The following MTUS2 variants were observed in gnomAD, a reference collection of about 807,000 sequenced individuals.
MTUS2 encodes the protein microtubule associated scaffold protein 2.
MTUS2 carries 40 observed loss-of-function variants against 114.1 expected under a neutral mutation model. The observed-to-expected ratio is 0.35, with a 90% CI of 0.27 to 0.46. MTUS2 has a LOEUF of 0.46. MTUS2 is among the 20% of genes least tolerant of loss of function. MTUS2 has a pLI of 1.00. For missense variants in MTUS2, 1,679 were observed against 1,705.4 expected (o/e 0.98, Z 0.27); for synonymous variants, 688 against 672.0 (o/e 1.02, Z -0.37).
chr13:29,481,343 G>A (rs946040891), intron 10 of MTUS2, among the ~76,000 whole-genome samples: 9 of 152,202 alleles, frequency 5.9e-5, no homozygotes, highest in Admixed American at 1.3e-4. Context: ...AGAGGCAGGC[G>A]GACGATTCAG....
At position 28,896,747 on chromosome 13, in the gene MTUS2, G is replaced by T. The variant is rs1361716389; in HGVS notation, c.-243+56897G>T. ...GAACACAGCCCTCAGAAATAATGCT[G>T]CATATCTACAACCATCTGATCTTTG... On this transcript the variant is annotated intron_variant, in intron 2 of 15. Transcript: ENST00000612955. Among the ~76,000 whole-genome samples, 3 of 152,106 alleles carry T rather than the reference G, an allele frequency of 2.0e-5. No homozygotes were observed. The East Asian group carries it at 5.8e-4, about 29-fold the overall frequency.
chr13:29,131,935 G>A (rs977220529), intron 5 of MTUS2, among the ~76,000 whole-genome samples: 15 of 152,228 alleles, frequency 9.9e-5, no homozygotes, highest in African/African-American at 3.6e-4. Context: ...ATTTAGTGCT[G>A]ATTTCCCATT....
rs971700401 is a variant in MTUS2 at position 29,075,215 on chromosome 13, C to T, written c.2447-25558C>T. On this transcript the variant is annotated intron_variant, in intron 4 of 15. Coordinates refer to ENST00000612955, the MANE Select transcript of MTUS2 (RefSeq NM_001033602.4). ...TTCCTGTGTTAATCTACTCAGGCTG[C>T]CCCCTCCCATTTGTAAAAGAGACAC... Among the ~76,000 whole-genome samples, 25 of 152,310 alleles carry T rather than the reference C, an allele frequency of 1.6e-4. 1 individual carries two copies. The highest frequency in any genetic ancestry group is 1.6e-3 in the Admixed American group (24 of 15,296).
At chr13:28,994,590 A>C (rs966576159) in intron 2 of MTUS2, among the ~76,000 whole-genome samples, 3 of 152,162 alleles carry the variant, frequency 2.0e-5, no homozygotes, top group Non-Finnish European at 2.9e-5. Context: ...AGTGATCGCT[A>C]TTCTAAATGG....
At chr13:29,254,286 G>T (rs779416871) in intron 5 of MTUS2, among the ~76,000 whole-genome samples, 2 of 152,222 alleles carry the variant, frequency 1.3e-5, no homozygotes, top group African/African-American at 2.4e-5. Flanking sequence ...TTAATGAGAT[G>T]TATGATTGAG....
chr13:29,137,646 T>C lies in MTUS2; in HGVS notation c.2644+36676T>C, dbSNP rs138493867. Among the ~76,000 whole-genome samples, 14 of 152,088 alleles carry C rather than the reference T, an allele frequency of 9.2e-5. No individual in the cohort carries two copies. In the East Asian group the frequency reaches 2.7e-3, roughly 29 times the overall value. On this transcript the variant is annotated intron_variant, in intron 5 of 15. Coordinates refer to ENST00000612955, the MANE Select transcript of MTUS2 (RefSeq NM_001033602.4). ...TTTCTTCTTTTTTTTGAGACAAGTC[T>C]CACCCTGTCGCCCAGGCTGGAGTAC...
intron 4 of MTUS2, among the ~76,000 whole-genome samples, chr13:29,086,964 A>C (rs2479791): frequency 0.67 from 102,021 of 151,996 alleles, 34,929 homozygotes; most frequent in Non-Finnish European, 0.74. Context: ...TATTCTGAAA[A>C]TTTACTGAGG....
chr13:29,153,907 C>T (rs1593534557), intron 5 of MTUS2, among the ~76,000 whole-genome samples: 1 of 152,110 alleles, frequency 6.6e-6, no homozygotes, highest in East Asian at 1.9e-4. Flanking sequence ...TTATATGTAC[C>T]TCTGTACTCC....
At chr13:29,217,569 G>A (rs775308927) in intron 5 of MTUS2, among the ~76,000 whole-genome samples, 27 of 152,080 alleles carry the variant, frequency 1.8e-4, no homozygotes, top group Admixed American at 7.2e-4. Context: ...TTTTTTTGTC[G>A]TGGTGGTTCT....
chr13:29,071,409 A>ATTTTTTTTTTTTTTTTTTTTTTTTTTTT lies in MTUS2; in HGVS notation c.2447-29357_2447-29330dup, dbSNP rs751020009. 3.7e-4 allele frequency among the ~76,000 whole-genome samples: 17 copies of ATTTTTTTTTTTTTTTTTTTTTTTTTTTT among 46,140 alleles called. 3 individuals carry two copies. The highest frequency in any genetic ancestry group is 6.5e-4 in the African/African-American group (6 of 9,166). 30.3% of individuals were successfully genotyped at this position (46,140 alleles called of 152,430 possible). A position where few individuals can be genotyped will look rare whatever the true frequency, so the allele number is the denominator to read the frequency against. ...TTTAAAAGATCTCTATGTTGCTTGA[A>ATTTTTTTTTTTTTTTTTTTTTTTTTTTT]TTTTTTTTTTTTTTTTTTTTTTTTT... is the stretch of plus-strand genomic sequence containing the variant. On this transcript the variant is annotated intron_variant, in intron 4 of 15. Transcript: ENST00000612955.
chr13:28,967,192 G>A (rs915496698), intron 2 of MTUS2, among the ~76,000 whole-genome samples: 4 of 152,184 alleles, frequency 2.6e-5, no homozygotes, highest in Non-Finnish European at 4.4e-5. Context: ...CATTGAAGAT[G>A]AGTATTATAC....
At chr13:28,876,519 T>C (rs1877940326) in intron 2 of MTUS2, among the ~76,000 whole-genome samples, 1 of 152,164 alleles carries the variant, frequency 6.6e-6, no homozygotes, top group Non-Finnish European at 1.5e-5. Flanking sequence ...AAAACTCTCT[T>C]CTCAACACAC....
chr13:29,174,150 G>T (rs946570578), intron 5 of MTUS2, among the ~76,000 whole-genome samples: 3 of 152,102 alleles, frequency 2.0e-5, no homozygotes, highest in Admixed American at 6.5e-5. Flanking sequence ...TGGAAAGTGT[G>T]CTTCATTTAT....
chr13:29,209,920 T>C (rs1357675713), intron 5 of MTUS2, among the ~76,000 whole-genome samples: 1 of 152,196 alleles, frequency 6.6e-6, no homozygotes, highest in South Asian at 2.1e-4. Flanking sequence ...CAATTATCTT[T>C]TTGCAATAAA....
intron 4 of MTUS2, among the ~76,000 whole-genome samples, chr13:29,065,920 C>A (rs556308024): frequency 4.6e-5 from 7 of 152,254 alleles, no homozygotes; most frequent in African/African-American, 1.7e-4. Flanking sequence ...AAACCCCCCC[C>A]CACCTGACAT....
intron 5 of MTUS2, among the ~76,000 whole-genome samples, chr13:29,246,038 G>A (rs115132599): frequency 5.4e-4 from 82 of 152,076 alleles, no homozygotes; most frequent in African/African-American, 1.8e-3. Context: ...AAATGATCCC[G>A]GTCATAGAAA....
intron 4 of MTUS2, among the ~76,000 whole-genome samples, chr13:29,052,700 GA>G (rs1887958706): frequency 6.6e-6 from 1 of 152,112 alleles, no homozygotes; most frequent in Non-Finnish European, 1.5e-5. Context: ...ATGCTTCAGG[GA>G]AAGTAATGAC....
In MTUS2 at chr13:29,088,357, G is replaced by C. The variant is rs564270669; in HGVS notation, c.2447-12416G>C. 3.3e-5 allele frequency among the ~76,000 whole-genome samples: 5 copies of C among 152,198 alleles called. No individual in the cohort carries two copies. The South Asian group carries it at 1.0e-3, about 32-fold the overall frequency. ...GAGTGTGGTTGGTTGGTAGGATTTTGGTATTTTTGAATTTGTTGAGAATTG... is the reference window on the plus strand; with the variant it reads ...GAGTGTGGTTGGTTGGTAGGATTTTCGTATTTTTGAATTTGTTGAGAATTG... On this transcript the variant is annotated intron_variant, in intron 4 of 15. Transcript: ENST00000612955.
At chr13:28,959,912 CAT>C (rs894959035) in intron 2 of MTUS2, among the ~76,000 whole-genome samples, 2 of 152,174 alleles carry the variant, frequency 1.3e-5, no homozygotes, top group Non-Finnish European at 2.9e-5. Flanking sequence ...TCTGCCAGAG[CAT>C]TATCAGTTTA....
Sources: allele counts gnomAD v4.1 joint callset (sites outside exome capture counted in the v4.1 genomes callset), GRCh38; gene constraint gnomAD v4.1.1; transcripts MANE v1.5; gene names NCBI Gene and HGNC (gene_info 2026-07-23, HGNC 2026-07-21).